ANO2: variants seen among roughly 807,000 people sequenced by gnomAD.
ANO2 encodes anoctamin 2.
A neutral mutation model predicts 124.2 loss-of-function variants in ANO2; 101 were observed. The observed-to-expected ratio is 0.81, with a 90% CI of 0.69 to 0.96. The LOEUF (loss-of-function observed/expected upper bound fraction) is 0.96, where lower values mean the gene tolerates loss of function less well. ANO2 is among the 40% of genes least tolerant of loss of function. The pLI is 0.00. For missense variants in ANO2, 1,293 were observed against 1,274.5 expected (o/e 1.01, Z -0.22); for synonymous variants, 486 against 482.5 (o/e 1.01, Z -0.09).
In ANO2 at chr12:5,750,935, G is replaced by GCAAAATACAGTCCAATTTTTTCTC. The variant is rs1951416596; in HGVS notation, c.1067_1090dup (p.Gly356_Phe363dup). On this transcript the variant is annotated inframe_insertion, in exon 11 of 25. Transcript: ENST00000682330. ...GAATGATGTATATAATCCCAGCCAG[G>GCAAAATACAGTCCAATTTTTTCTC]CAAAATACAGTCCAATTTTTTCTCC... is the stretch of plus-strand genomic sequence containing the variant. The GCAAAATACAGTCCAATTTTTTCTC allele has an allele frequency of 6.2e-7, 1 of 1,607,074 alleles. No homozygotes were observed. Among genetic ancestry groups the GCAAAATACAGTCCAATTTTTTCTC allele is most frequent in the Non-Finnish European group, 8.5e-7 (1 of 1,176,586 alleles).
chr12:5,874,805 C>T lies in ANO2; in HGVS notation c.535-20664G>A, dbSNP rs116145513. On this transcript the variant is annotated intron_variant, in intron 3 of 24. Transcript: ENST00000682330. ...TCCACGTCTTTTTTTATTTGGAACTCTTACCTGCCGACCCATCATCAAGGA... is the reference window on the plus strand; with the variant it reads ...TCCACGTCTTTTTTTATTTGGAACTTTTACCTGCCGACCCATCATCAAGGA... 2.0e-3 allele frequency among the ~76,000 whole-genome samples: 307 copies of T among 152,308 alleles called. 2 individuals are homozygous for T. Among genetic ancestry groups the T allele is most frequent in the African/African-American group, 7.0e-3 (293 of 41,566 alleles).
intron 3 of ANO2, among the ~76,000 whole-genome samples, chr12:5,895,723 G>A (rs2136276532): frequency 6.6e-6 from 1 of 152,056 alleles, no homozygotes; most frequent in South Asian, 2.1e-4. Flanking sequence ...AAACAGTATG[G>A]AGATTCCTTA....
chr12:5,613,086 G>C, intron 17 of ANO2, 128 bp from the exon 18 acceptor site: 1 of 873,460 alleles, frequency 1.1e-6, no homozygotes, highest in East Asian at 2.5e-5. Context: ...GCGAGTGCTA[G>C]ATCACTCAGG....
At chr12:5,814,566 C>G (rs1376895079) in intron 7 of ANO2, among the ~76,000 whole-genome samples, 2 of 152,236 alleles carry the variant, frequency 1.3e-5, no homozygotes, top group Non-Finnish European at 2.9e-5. Flanking sequence ...TATCCCTACA[C>G]GACATCCTAT....
chr12:5,857,518 C>T (rs371975524), intron 3 of ANO2, among the ~76,000 whole-genome samples: 4 of 152,240 alleles, frequency 2.6e-5, no homozygotes, highest in Admixed American at 2.0e-4. Flanking sequence ...CTTTTCACTG[C>T]GTCCTTGCCA....
At chr12:5,688,381 C>G (rs1948790711) in intron 14 of ANO2, among the ~76,000 whole-genome samples, 1 of 152,022 alleles carries the variant, frequency 6.6e-6, no homozygotes. Context: ...CTGGTCACCC[C>G]TCTCTACTCT....
intron 3 of ANO2, among the ~76,000 whole-genome samples, chr12:5,898,739 G>A (rs1313057004): frequency 6.6e-6 from 1 of 152,182 alleles, no homozygotes; most frequent in African/African-American, 2.4e-5. Context: ...GTGGGGGTAG[G>A]GTCACGACTG....
intron 9 of ANO2, among the ~76,000 whole-genome samples, chr12:5,802,546 G>A (rs1004599607): frequency 3.9e-5 from 6 of 152,216 alleles, no homozygotes; most frequent in Non-Finnish European, 2.9e-5. Context: ...ATAGTTAAGA[G>A]CAAGTGGATC....
intron 3 of ANO2, among the ~76,000 whole-genome samples, chr12:5,887,491 GC>G (rs1939013213): frequency 6.6e-6 from 1 of 152,194 alleles, no homozygotes; most frequent in Non-Finnish European, 1.5e-5. Flanking sequence ...CCTCAGCAGA[GC>G]CTGCCAACAG....
At chr12:5,727,876 G>A (rs1417518789) in intron 14 of ANO2, among the ~76,000 whole-genome samples, 2 of 150,672 alleles carry the variant, frequency 1.3e-5, no homozygotes, top group South Asian at 2.1e-4. Flanking sequence ...GTGCAATCTC[G>A]GCTCACTGCA....
At chr12:5,937,877 G>A (rs1942720205) in intron 1 of ANO2, among the ~76,000 whole-genome samples, 1 of 152,150 alleles carries the variant, frequency 6.6e-6, no homozygotes, top group Admixed American at 6.5e-5. Context: ...TCTACCGTGT[G>A]CTTCTTACTC....
At chr12:5,770,668 C>T (rs1952051343) in intron 10 of ANO2, among the ~76,000 whole-genome samples, 1 of 152,188 alleles carries the variant, frequency 6.6e-6, no homozygotes, top group Non-Finnish European at 1.5e-5. Flanking sequence ...CTACCCTTGC[C>T]CCATGCAATC....
At chr12:5,830,376 A>C in intron 6 of ANO2, 59 bp downstream of exon 6, 1 of 1,556,762 alleles carries the variant, frequency 6.4e-7, no homozygotes, top group Non-Finnish European at 8.8e-7. Flanking sequence ...TGCCCTGCCA[A>C]CTAGGAACTC....
chr12:5,903,588 T>C (rs1005932698), intron 3 of ANO2, among the ~76,000 whole-genome samples: 1 of 151,916 alleles, frequency 6.6e-6, no homozygotes, highest in Admixed American at 6.6e-5. Context: ...CAAGAAACCT[T>C]CCCAGCTCTG....
At chr12:5,657,223 G>T (rs1051848241) in intron 14 of ANO2, among the ~76,000 whole-genome samples, 2 of 152,204 alleles carry the variant, frequency 1.3e-5, no homozygotes, top group African/African-American at 4.8e-5. Context: ...GGTGGCAGTG[G>T]AAGGCTAAAG....
At chr12:5,857,805 GAT>G (rs1955150443) in intron 3 of ANO2, among the ~76,000 whole-genome samples, 1 of 152,050 alleles carries the variant, frequency 6.6e-6, no homozygotes, top group African/African-American at 2.4e-5. Flanking sequence ...TAGATAGATA[GAT>G]AGATAGATAG....
chr12:5,675,179 T>C (rs1948182952), intron 14 of ANO2, among the ~76,000 whole-genome samples: 1 of 152,204 alleles, frequency 6.6e-6, no homozygotes, highest in Admixed American at 6.5e-5. Context: ...CATGGTCAGA[T>C]GCTACACTCT....
chr12:5,665,356 TCTCC>T (rs1947647665), intron 14 of ANO2, among the ~76,000 whole-genome samples: 2 of 152,146 alleles, frequency 1.3e-5, no homozygotes, highest in Admixed American at 6.5e-5. Context: ...ATGCCATCCA[TCTCC>T]GACTCCACTG....
intron 10 of ANO2, among the ~76,000 whole-genome samples, chr12:5,759,043 G>T (rs947298034): frequency 2.0e-5 from 3 of 150,776 alleles, no homozygotes; most frequent in African/African-American, 7.3e-5. Context: ...AGAGCTGCAG[G>T]ACAATATCAA....
Sources: allele counts gnomAD v4.1 joint callset (sites outside exome capture counted in the v4.1 genomes callset), GRCh38; gene constraint gnomAD v4.1.1; transcripts MANE v1.5; gene names NCBI Gene and HGNC (gene_info 2026-07-23, HGNC 2026-07-21).